The following CNTN5 variants were observed in gnomAD, a reference collection of about 807,000 sequenced individuals.
CNTN5 encodes the protein contactin 5, also known as contactin-5.
CNTN5 carries 77 observed loss-of-function variants against 129.1 expected under a neutral mutation model. The observed-to-expected ratio is 0.60, with a 90% CI of 0.50 to 0.72. The LOEUF (loss-of-function observed/expected upper bound fraction) is 0.72, where lower values mean the gene tolerates loss of function less well. CNTN5 is among the 30% of genes least tolerant of loss of function. The pLI, the probability that CNTN5 is intolerant of heterozygous loss-of-function variation, is 0.00. For missense variants in CNTN5, 1,478 were observed against 1,328.8 expected, an observed-to-expected ratio of 1.11 and a Z score of -1.75; for synonymous variants, 509 against 465.6, an observed-to-expected ratio of 1.09 and a Z score of -1.20.
chr11:99,443,949 G>C (rs962838814), intron 2 of CNTN5, among the ~76,000 whole-genome samples: 5 of 152,114 alleles, frequency 3.3e-5, no homozygotes, highest in African/African-American at 1.2e-4. Flanking sequence ...TGTAATCCCA[G>C]CACTTTGGGA....
At chr11:99,748,689 C>A (rs1020385613) in intron 3 of CNTN5, among the ~76,000 whole-genome samples, 12 of 152,130 alleles carry the variant, frequency 7.9e-5, no homozygotes, top group Admixed American at 7.9e-4. Flanking sequence ...GAACCTGGAA[C>A]AATTATATTC....
intron 6 of CNTN5, among the ~76,000 whole-genome samples, chr11:99,889,199 A>G (rs995958317): frequency 2.6e-5 from 4 of 152,120 alleles, no homozygotes; most frequent in Non-Finnish European, 4.4e-5. Flanking sequence ...GGGCATTGTC[A>G]TAACCTGCAT....
At chr11:99,087,305 G>A (rs1866043633) in intron 1 of CNTN5, among the ~76,000 whole-genome samples, 1 of 152,002 alleles carries the variant, frequency 6.6e-6, no homozygotes, top group Non-Finnish European at 1.5e-5. Context: ...GTAGCACATG[G>A]TTCAAAAGTC....
Position 100,015,915 on chromosome 11 carries a change from T to C in CNTN5, c.980+13779T>C, listed in dbSNP as rs116556412. 1.6e-3 allele frequency among the ~76,000 whole-genome samples: 244 copies of C among 152,226 alleles called. 1 individual carries two copies. Among genetic ancestry groups the C allele is most frequent in the African/African-American group, 5.1e-3 (214 of 41,576 alleles). ...TTATAATTATATGATGTCAGAAATA[T>C]TTCTACAAATACTTAATTCCATTCA... On this transcript the variant is annotated intron_variant, in intron 9 of 24. Transcript: ENST00000524871.
At chr11:99,886,120 C>A (rs1247610079) in intron 6 of CNTN5, among the ~76,000 whole-genome samples, 1 of 151,964 alleles carries the variant, frequency 6.6e-6, no homozygotes, top group East Asian at 1.9e-4. Flanking sequence ...AACTATAAAA[C>A]ATTTAGATAA....
chr11:100,289,152 G>A (rs1950883482), intron 18 of CNTN5, among the ~76,000 whole-genome samples: 1 of 151,508 alleles, frequency 6.6e-6, no homozygotes, highest in Non-Finnish European at 1.5e-5. Flanking sequence ...AGGACCAGAT[G>A]GATTCACAGC....
At chr11:99,271,099 A>G (rs1029906539) in intron 1 of CNTN5, among the ~76,000 whole-genome samples, 2 of 151,918 alleles carry the variant, frequency 1.3e-5, no homozygotes, top group Non-Finnish European at 2.9e-5. Flanking sequence ...TAATTTACCT[A>G]GTTTTATAGT....
At chr11:99,265,673 T>C (rs1326029931) in intron 1 of CNTN5, among the ~76,000 whole-genome samples, 1 of 151,930 alleles carries the variant, frequency 6.6e-6, no homozygotes, top group African/African-American at 2.4e-5. Flanking sequence ...TCCAGCCCCT[T>C]CCCACCCAAC....
At chr11:99,251,399 A>G (rs1862096528) in intron 1 of CNTN5, among the ~76,000 whole-genome samples, 1 of 151,846 alleles carries the variant, frequency 6.6e-6, no homozygotes, top group South Asian at 2.1e-4. Context: ...ATTTAAGTAA[A>G]GTTGTTTTAA....
In CNTN5 at chr11:99,804,421, C is replaced by G. The variant is rs1180693519; in HGVS notation, c.56-15123C>G. Among the ~76,000 whole-genome samples the G allele has an allele frequency of 6.6e-5, 10 of 151,926 alleles. No individual in the cohort carries two copies. The East Asian group carries it at 1.7e-3, about 27-fold the overall frequency. On this transcript the variant is annotated intron_variant, in intron 3 of 24. Coordinates refer to ENST00000524871, the MANE Select transcript of CNTN5 (RefSeq NM_014361.4). ...AAAATTAGATTTTTAAACCATTTTA[C>G]TCTTCAAAATTACTTTCTGAACTCT...
intron 13 of CNTN5, among the ~76,000 whole-genome samples, chr11:100,105,011 T>C (rs558574675): frequency 1.9e-4 from 29 of 152,332 alleles, no homozygotes; most frequent in African/African-American, 7.0e-4. Flanking sequence ...GCAATAACTC[T>C]ATGATAAAGG....
At chr11:99,066,692 T>C (rs1406268241) in intron 1 of CNTN5, among the ~76,000 whole-genome samples, 1 of 152,098 alleles carries the variant, frequency 6.6e-6, no homozygotes, top group Non-Finnish European at 1.5e-5. Context: ...GCCTCCAAGA[T>C]CTGACTATGG....
At chr11:100,102,361 C>G (rs1296696874) in intron 13 of CNTN5, among the ~76,000 whole-genome samples, 1 of 151,768 alleles carries the variant, frequency 6.6e-6, no homozygotes, top group African/African-American at 2.4e-5. Flanking sequence ...GTTTGTGTAT[C>G]TTCTTTTGAG....
At chr11:99,666,447 G>A (rs1190213135) in intron 3 of CNTN5, among the ~76,000 whole-genome samples, 1 of 152,114 alleles carries the variant, frequency 6.6e-6, no homozygotes, top group Non-Finnish European at 1.5e-5. Context: ...TGGATCCTGA[G>A]CTGTACATTG....
At chr11:99,483,608 T>C (rs1415247874) in intron 2 of CNTN5, among the ~76,000 whole-genome samples, 1 of 152,106 alleles carries the variant, frequency 6.6e-6, no homozygotes, top group East Asian at 1.9e-4. Flanking sequence ...CAATTATTAT[T>C]TTAGTGAGAC....
intron 8 of CNTN5, among the ~76,000 whole-genome samples, chr11:99,981,136 A>G (rs1712200334): frequency 6.8e-6 from 1 of 147,404 alleles, no homozygotes; most frequent in African/African-American, 2.5e-5. Context: ...AAGAGAATTG[A>G]TTAGGGAAAT....
intron 2 of CNTN5, among the ~76,000 whole-genome samples, chr11:99,388,243 C>A (rs529784941): frequency 6.6e-6 from 1 of 151,728 alleles, no homozygotes; most frequent in South Asian, 2.1e-4. Context: ...TGGTGAAACC[C>A]CATCTCTACT....
At chr11:99,813,404 T>G (rs1038785315) in intron 3 of CNTN5, among the ~76,000 whole-genome samples, 5 of 152,130 alleles carry the variant, frequency 3.3e-5, no homozygotes, top group African/African-American at 1.2e-4. Context: ...TACCAAATGG[T>G]CTATCTTAGA....
intron 13 of CNTN5, among the ~76,000 whole-genome samples, chr11:100,134,570 A>G (rs1368281729): frequency 6.6e-6 from 1 of 152,158 alleles, no homozygotes; most frequent in Non-Finnish European, 1.5e-5. Flanking sequence ...GGTTCATTGG[A>G]CTACAAATCC....
Sources: gnomAD v4.1 joint callset for allele counts (sites outside exome capture counted in the v4.1 genomes callset) on GRCh38, gnomAD v4.1.1 for gene constraint, MANE v1.5 for transcripts, NCBI Gene and HGNC (gene_info 2026-07-23, HGNC 2026-07-21) for gene names.